Variants in LRBA observed in about 807,000 individuals in gnomAD.
LRBA encodes lipopolysaccharide-responsive and beige-like anchor protein.
Under a neutral mutation model 330.0 loss-of-function variants are expected in LRBA, and 176 were observed. The ratio of observed to expected loss-of-function variants is 0.53; its 90% CI spans 0.47 to 0.60. LRBA has a LOEUF of 0.60. Ranked by LOEUF, LRBA falls within the 20% of genes least tolerant of loss-of-function variation. The pLI, the probability that LRBA is intolerant of heterozygous loss-of-function variation, is 0.00. For missense variants in LRBA, 3,259 were observed against 3,444.8 expected (o/e 0.95, Z 1.35); for synonymous variants, 1,230 against 1,193.0 (o/e 1.03, Z -0.64).
chr4:150,829,461 A>G (rs781027163), intron 29 of LRBA, among the ~76,000 whole-genome samples: 7 of 152,202 alleles, frequency 4.6e-5, no homozygotes, highest in Non-Finnish European at 8.8e-5. Flanking sequence ...AAAAATCTGC[A>G]TCTTGCTAAC....
At chr4:150,817,003 A>G in intron 31 of LRBA, 121 bp downstream of exon 31, 1 of 744,258 alleles carries the variant, frequency 1.3e-6, no homozygotes, top group Admixed American at 2.5e-5. Context: ...TAAACAATCA[A>G]CAGTATAAAA....
At chr4:150,413,458 A>C (rs1747300152) in intron 47 of LRBA, among the ~76,000 whole-genome samples, 1 of 152,178 alleles carries the variant, frequency 6.6e-6, no homozygotes, top group African/African-American at 2.4e-5. Context: ...AATACAAAGA[A>C]ATTAACTACT....
At chr4:150,816,319 T>C (rs966101742) in intron 31 of LRBA, among the ~76,000 whole-genome samples, 1 of 152,008 alleles carries the variant, frequency 6.6e-6, no homozygotes, top group Non-Finnish European at 1.5e-5. Context: ...TATCTTGTTA[T>C]TAACTTTAAG....
intron 44 of LRBA, among the ~76,000 whole-genome samples, chr4:150,460,288 C>T (rs912810672): frequency 8.6e-5 from 13 of 151,446 alleles, no homozygotes; most frequent in Non-Finnish European, 1.5e-4. Context: ...TAAAAATATA[C>T]ATCCAAATGG....
intron 31 of LRBA, among the ~76,000 whole-genome samples, chr4:150,809,866 ATACGATACGATACGATACGATACG>A (rs1743385365): frequency 8.9e-5 from 4 of 45,040 alleles, no homozygotes; most frequent in Non-Finnish European, 2.0e-4. Context: ...ATACGATACG[ATACGATACGATACGATACGATACG>A]ATACGATACG....
intron 34 of LRBA, among the ~76,000 whole-genome samples, chr4:150,775,157 A>G (rs1211793840): frequency 2.0e-5 from 3 of 152,156 alleles, no homozygotes; most frequent in East Asian, 3.9e-4. Flanking sequence ...AGTTCCTACC[A>G]TAAGGTCTGA....
chr4:150,900,053 T>C lies in LRBA; in HGVS notation c.1920A>G (p.Gly640=). The change falls in exon 14 of 57, where the codon GGA becomes GGG. Residue 640 remains glycine, a synonymous_variant. Transcript: ENST00000651943. ...ATACAGACAGAAATTATATACCTAATCCTTTTGGGGTGATACCACTTCGAT... is the reference window on the plus strand; with the variant it reads ...ATACAGACAGAAATTATATACCTAACCCTTTTGGGGTGATACCACTTCGAT... ...PQDRSGITPK[G]LDGPRPNQKE... is the part of the protein sequence containing the mutation. 6.2e-7 allele frequency: 1 copy of C among 1,607,916 alleles called. No homozygotes were observed. The highest frequency in any genetic ancestry group is 8.5e-7 in the Non-Finnish European group (1 of 1,176,442).
chr4:150,730,678 G>GAAAA (rs112842947), intron 36 of LRBA, among the ~76,000 whole-genome samples: 1 of 89,890 alleles, frequency 1.1e-5, no homozygotes, highest in African/African-American at 3.9e-5. Flanking sequence ...GTGAGGCTCT[G>GAAAA]AAAAAAAAAA....
intron 34 of LRBA, among the ~76,000 whole-genome samples, chr4:150,797,124 C>T (rs1293907010): frequency 6.6e-6 from 1 of 151,848 alleles, no homozygotes; most frequent in Non-Finnish European, 1.5e-5. Flanking sequence ...ATTGATTTTT[C>T]ACACCTTCTA....
intron 34 of LRBA, among the ~76,000 whole-genome samples, chr4:150,777,142 A>G (rs1737491706): frequency 6.6e-6 from 1 of 151,830 alleles, no homozygotes; most frequent in Non-Finnish European, 1.5e-5. Context: ...TCGCCCAGGC[A>G]AAGTGCAGGG....
intron 56 of LRBA, among the ~76,000 whole-genome samples, chr4:150,273,551 C>T (rs1354445400): frequency 6.6e-6 from 1 of 151,862 alleles, no homozygotes; most frequent in African/African-American, 2.4e-5. Context: ...CATCAGTGTG[C>T]TATATTCAGG....
At chr4:150,723,710 C>T (rs1246449623) in intron 36 of LRBA, among the ~76,000 whole-genome samples, 2 of 152,194 alleles carry the variant, frequency 1.3e-5, no homozygotes, top group Non-Finnish European at 2.9e-5. Flanking sequence ...GTCTTGCATC[C>T]TATGTACCAG....
Position 150,905,946 on chromosome 4 carries a change from A to G in LRBA, c.1647T>C (p.Leu549=), listed in dbSNP as rs375908918. Residue 549 remains leucine, a synonymous_variant, in exon 13 of 57, where the codon CTT becomes CTC. Transcript: ENST00000651943. ...HVSRAVLELC[L]AFSKYLSNLQ... ...GATTACTCAGATATTTTGAAAATGC[A>G]AGGCAAAGTTCAAGTACTGCTCTGC... 5 of 1,613,728 alleles carry G rather than the reference A, an allele frequency of 3.1e-6. No homozygotes were observed. The highest frequency in any genetic ancestry group is 3.4e-6 in the Non-Finnish European group (4 of 1,179,720).
chr4:150,306,372 G>T (rs1473819460), intron 52 of LRBA, among the ~76,000 whole-genome samples: 7 of 151,376 alleles, frequency 4.6e-5, no homozygotes, highest in African/African-American at 1.5e-4. Flanking sequence ...ATTTTCCCTT[G>T]ATTCTGTGCT....
intron 40 of LRBA, among the ~76,000 whole-genome samples, chr4:150,514,914 G>C (rs1762183418): frequency 6.6e-6 from 1 of 152,070 alleles, no homozygotes; most frequent in Non-Finnish European, 1.5e-5. Flanking sequence ...TAGTGTACTA[G>C]GAGGCAACAT....
At chr4:150,966,908 C>T (rs915595987) in intron 2 of LRBA, among the ~76,000 whole-genome samples, 3 of 152,170 alleles carry the variant, frequency 2.0e-5, no homozygotes, top group Admixed American at 6.5e-5. Flanking sequence ...TCCTCAGTGT[C>T]GTGTCATCAG....
chr4:150,649,534 A>C (rs10025414), intron 37 of LRBA, among the ~76,000 whole-genome samples: 133,107 of 152,134 alleles, frequency 0.87, 59,142 homozygotes, highest in Non-Finnish European at 0.95. Flanking sequence ...TATGTCAAGG[A>C]TTCCCTGACC....
chr4:150,817,234 T>C lies in LRBA; in HGVS notation c.5195A>G (p.Lys1732Arg). 1 of 1,611,880 alleles carries C rather than the reference T, an allele frequency of 6.2e-7. No homozygotes were observed. The highest frequency in any genetic ancestry group is 8.5e-7 in the Non-Finnish European group (1 of 1,178,446). Reference sequence around the variant, plus strand: ...AAAGGTGGAAGGTGAGACTGCTGACTTTTTTGCTGCAACAATGACACTTCT... The same window carrying C: ...AAAGGTGGAAGGTGAGACTGCTGACCTTTTTGCTGCAACAATGACACTTCT... ...FDRSVIVAAK[K>R]SAVSPSTFNT... The change falls in exon 31 of 57, where the codon AAG becomes AGG. Residue 1732 changes from lysine to arginine, a missense_variant. Coordinates refer to ENST00000651943, the MANE Select transcript of LRBA (RefSeq NM_001364905.1).
chr4:150,447,245 G>T lies in LRBA; in HGVS notation c.6781-10381C>A, dbSNP rs1752724892. On this transcript the variant is annotated intron_variant, in intron 44 of 56. Coordinates refer to ENST00000651943, the MANE Select transcript of LRBA (RefSeq NM_001364905.1). ...TGTGTCAACTTGACTGGGCCACAGG[G>T]TGCAGAGATTAAGCATTATTTCTTG... 2.6e-5 allele frequency among the ~76,000 whole-genome samples: 4 copies of T among 152,210 alleles called. No homozygotes were observed. The South Asian group carries it at 8.3e-4, about 32-fold the overall frequency.
Sources: allele counts gnomAD v4.1 joint callset (sites outside exome capture counted in the v4.1 genomes callset), GRCh38; gene constraint gnomAD v4.1.1; transcripts MANE v1.5; gene names NCBI Gene and HGNC (gene_info 2026-07-23, HGNC 2026-07-21).